ASIC5: variants seen among roughly 807,000 people sequenced by gnomAD.
ASIC5 encodes the protein bile acid-sensitive ion channel.
A neutral mutation model predicts 51.2 loss-of-function variants in ASIC5; 52 were observed. The observed-to-expected ratio is 1.02, with a 90% CI of 0.81 to 1.28. ASIC5 has a LOEUF of 1.28. Ranked by LOEUF, ASIC5 falls within the 50% of genes most tolerant of loss-of-function variation. ASIC5 has a pLI of 0.00. For synonymous variants in ASIC5, 231 were observed against 200.7 expected, an observed-to-expected ratio of 1.15 and a Z score of -1.28; for missense variants, 635 against 595.0, an observed-to-expected ratio of 1.07 and a Z score of -0.70.
rs767803939 is a variant in ASIC5 at position 155,854,317 on chromosome 4, A to G, written c.348-3T>C. The G allele has an allele frequency of 1.9e-6, 3 of 1,556,702 alleles. No homozygotes were observed. The highest frequency in any genetic ancestry group is 2.2e-5 in the East Asian group (1 of 44,502). On this transcript the variant is annotated splice_polypyrimidine_tract_variant and splice_region_variant and intron_variant, in intron 2 of 9. Transcript: ENST00000537611. Reference sequence around the variant, plus strand: ...TGGCTACAGCATCTGTTTGGAACCTATTAGCAGGAATGAAGGCAATAGTTA... The same window carrying G: ...TGGCTACAGCATCTGTTTGGAACCTGTTAGCAGGAATGAAGGCAATAGTTA...
chr4:155,842,264 C>T lies in ASIC5; in HGVS notation c.952G>A (p.Glu318Lys), dbSNP rs1422211158. The stretch of plus-strand genomic sequence containing the variant: ...TTTTTTATGTGCTGGGCTTTGCATT[C>T]CTTCAAGCAACCAGAAGTGCTGTAG... ...SSYSTSGCLK[E>K]CKAQHIKKQC... is the part of the protein sequence containing the mutation. Residue 318 changes from glutamate to lysine, a missense_variant, in exon 6 of 10, where the codon GAA becomes AAA. By Grantham distance (56) the Glu-to-Lys change is moderately conservative (BLOSUM62 1). Transcript: ENST00000537611. The T allele has an allele frequency of 6.2e-7, 1 of 1,613,686 alleles. No individual in the cohort carries two copies. The highest frequency in any genetic ancestry group is 8.5e-7 in the Non-Finnish European group (1 of 1,179,766).
chr4:155,853,943 G>A, intron 3 of ASIC5, 134 bp downstream of exon 3: 1 of 672,784 alleles, frequency 1.5e-6, no homozygotes, highest in South Asian at 1.9e-5. Context: ...ATAAGGCTGA[G>A]CTAATGAAAT....
At chr4:155,858,102 T>G (rs898210599) in intron 2 of ASIC5, among the ~76,000 whole-genome samples, 1 of 152,102 alleles carries the variant, frequency 6.6e-6, no homozygotes, top group Non-Finnish European at 1.5e-5. Flanking sequence ...TTTTACCAAA[T>G]GAATATAAAT....
intron 4 of ASIC5, among the ~76,000 whole-genome samples, chr4:155,848,385 T>A (rs1271067544): frequency 6.6e-6 from 1 of 152,070 alleles, no homozygotes; most frequent in East Asian, 1.9e-4. Flanking sequence ...GGTATAAAAT[T>A]ATACAGGAAG....
At chr4:155,834,599 ATAAT>A (rs1461051014) in intron 8 of ASIC5, among the ~76,000 whole-genome samples, 1 of 152,138 alleles carries the variant, frequency 6.6e-6, no homozygotes, top group Non-Finnish European at 1.5e-5. Context: ...TAATTGGATA[ATAAT>A]TAATAATTAT....
At chr4:155,833,265 A>G (rs956994211) in intron 8 of ASIC5, among the ~76,000 whole-genome samples, 2 of 152,156 alleles carry the variant, frequency 1.3e-5, no homozygotes, top group Non-Finnish European at 2.9e-5. Context: ...ATGAATCTGA[A>G]ACCAAGTACC....
At chr4:155,847,233 T>C (rs1239955211) in intron 4 of ASIC5, among the ~76,000 whole-genome samples, 1 of 152,072 alleles carries the variant, frequency 6.6e-6, no homozygotes, top group Non-Finnish European at 1.5e-5. Context: ...AAAACTGAGA[T>C]AAAAATTTTT....
At chr4:155,859,891 A>T (rs1035139880) in intron 2 of ASIC5, among the ~76,000 whole-genome samples, 1 of 152,062 alleles carries the variant, frequency 6.6e-6, no homozygotes, top group Admixed American at 6.6e-5. Context: ...ATTTTGCTTC[A>T]GGGGAAGACT....
At chr4:155,830,642 G>A (rs1423799703) in intron 9 of ASIC5, among the ~76,000 whole-genome samples, 2 of 152,008 alleles carry the variant, frequency 1.3e-5, no homozygotes, top group Non-Finnish European at 2.9e-5. Context: ...ACAGTACTGT[G>A]GCATTAAGTA....
intron 4 of ASIC5, among the ~76,000 whole-genome samples, chr4:155,849,388 C>A (rs1741327719): frequency 6.6e-6 from 1 of 151,932 alleles, no homozygotes; most frequent in Non-Finnish European, 1.5e-5. Flanking sequence ...TTCTATGGAA[C>A]AAAGTTCCAC....
Position 155,866,256 on chromosome 4 carries a change from G to T in ASIC5, c.-30C>A, listed in dbSNP as rs751203329. 2 of 1,573,844 alleles carry T rather than the reference G, an allele frequency of 1.3e-6. No homozygotes were observed. Among genetic ancestry groups the T allele is most frequent in the Non-Finnish European group, 8.7e-7 (1 of 1,146,516 alleles). On this transcript the variant is annotated 5_prime_UTR_variant, in exon 1 of 10. It adds an upstream start codon to the 5' untranslated region. Transcript: ENST00000537611. ...GATTTCAGTTAAGCAAGAGTCCTCA[G>T]GGTAACCCAATTTTCATCAATAACA...
chr4:155,840,840 A>T (rs1741100710), intron 6 of ASIC5, among the ~76,000 whole-genome samples: 1 of 152,064 alleles, frequency 6.6e-6, no homozygotes, highest in Non-Finnish European at 1.5e-5. Context: ...AAAAGCTAAG[A>T]TCAGTGCTTG....
At chr4:155,845,432 A>G (rs922975178) in intron 4 of ASIC5, among the ~76,000 whole-genome samples, 4 of 150,408 alleles carry the variant, frequency 2.7e-5, no homozygotes, top group African/African-American at 9.8e-5. Flanking sequence ...AGTTGACTGA[A>G]TTCCGTTTTC....
At chr4:155,857,355 C>T (rs1417130610) in intron 2 of ASIC5, among the ~76,000 whole-genome samples, 1 of 152,034 alleles carries the variant, frequency 6.6e-6, no homozygotes, top group East Asian at 1.9e-4. Flanking sequence ...AACTCCTGAG[C>T]TCAAGCAATC....
intron 1 of ASIC5, 58 bp from the exon 2 acceptor site, chr4:155,863,812 G>GC: frequency 7.2e-7 from 1 of 1,398,560 alleles, no homozygotes; most frequent in Non-Finnish European, 9.7e-7. Flanking sequence ...AAACCTTAAT[G>GC]CTATCCGTAA....
At chr4:155,854,919 C>T (rs1362194261) in intron 2 of ASIC5, 1 of 152,134 alleles carries the variant, frequency 6.6e-6, no homozygotes, top group Non-Finnish European at 1.5e-5. Flanking sequence ...TTCACACCAT[C>T]AAGATTGGAG....
At chr4:155,851,797 T>C (rs1453774999) in intron 4 of ASIC5, among the ~76,000 whole-genome samples, 2 of 152,026 alleles carry the variant, frequency 1.3e-5, no homozygotes, top group Non-Finnish European at 2.9e-5. Context: ...CTATAGTTTG[T>C]CAAATGTGTA....
At chr4:155,850,892 T>C (rs889825963) in intron 4 of ASIC5, among the ~76,000 whole-genome samples, 2 of 152,052 alleles carry the variant, frequency 1.3e-5, no homozygotes, top group Non-Finnish European at 2.9e-5. Flanking sequence ...TGTCATTAGT[T>C]GTAATTTTAG....
In ASIC5 at chr4:155,863,454, A is replaced by G; in HGVS notation, c.341T>C (p.Leu114Ser). 1 of 1,610,168 alleles carries G rather than the reference A, an allele frequency of 6.2e-7. No homozygotes were observed. The highest frequency in any genetic ancestry group is 8.5e-7 in the Non-Finnish European group (1 of 1,177,242). Residue 114 changes from leucine (L) to serine (S), a missense_variant, in exon 2 of 10, where the codon TTG (leucine) becomes TCG (serine). Leu to Ser is a moderately radical substitution (Grantham distance 145). Coordinates refer to ENST00000537611, the MANE Select transcript of ASIC5 (RefSeq NM_017419.3). ...TTAAAAAAGTAATTTTTACCTGTTC[A>G]AATTACAAAATGTCACAGCTGGGAA... ...MEFPAVTFCN[L>S]NRFQTDAVAK...
Sources: gnomAD v4.1 joint callset for allele counts (sites outside exome capture counted in the v4.1 genomes callset) on GRCh38, gnomAD v4.1.1 for gene constraint, MANE v1.5 for transcripts, NCBI Gene and HGNC (gene_info 2026-07-23, HGNC 2026-07-21) for gene names.